MAGI1: variants seen among roughly 807,000 people sequenced by gnomAD.
MAGI1 encodes membrane associated guanylate kinase, WW and PDZ domain containing 1, also known as membrane-associated guanylate kinase, WW and PDZ domain-containing protein 1.
A neutral mutation model predicts 139.9 loss-of-function variants in MAGI1; 58 were observed. That is an observed-to-expected ratio of 0.41 (90% confidence interval 0.34 to 0.52). MAGI1 has a LOEUF of 0.52. Ranked by LOEUF, MAGI1 falls within the 20% of genes least tolerant of loss-of-function variation. The probability of loss-of-function intolerance (pLI) is 0.12; values close to 1 mark genes in which losing one functional copy is unlikely to be tolerated. For synonymous variants in MAGI1, 812 were observed against 737.9 expected (o/e 1.10, Z -1.63); for missense variants, 1,874 against 1,901.6 (o/e 0.99, Z 0.27).
At chr3:65,958,153 C>G (rs2064229916) in intron 1 of MAGI1, among the ~76,000 whole-genome samples, 1 of 152,200 alleles carries the variant, frequency 6.6e-6, no homozygotes, top group Admixed American at 6.5e-5. Context: ...TGACCTCCCT[C>G]TCCTTCCCTC....
In MAGI1 at chr3:65,453,273, C is replaced by T. The variant is rs752573026; in HGVS notation, c.1027G>A (p.Glu343Lys). 2.5e-6 allele frequency: 4 copies of T among 1,613,610 alleles called. No homozygotes were observed. Among genetic ancestry groups the T allele is most frequent in the Non-Finnish European group, 2.5e-6 (3 of 1,179,926 alleles). The change falls in exon 6 of 23, where the codon GAG becomes AAG. Residue 343 changes from glutamate (E) to lysine (K), a missense_variant. This residue lies in a region of MAGI1 where 648 missense variants were observed against 598.1 expected (regional missense o/e 1.08). Coordinates refer to ENST00000402939, the MANE Select transcript of MAGI1 (RefSeq NM_001033057.2). Reference sequence around the variant, plus strand: ...GGCCCCTTACCATCATCTTCACACTCTTCCAGTGGCTTCTGCTGCTTGTTT... The same window carrying T: ...GGCCCCTTACCATCATCTTCACACTTTTCCAGTGGCTTCTGCTGCTTGTTT... ...CLNKQQKPLE[E>K]CEDDEGVHTE...
intron 2 of MAGI1, among the ~76,000 whole-genome samples, chr3:65,544,051 G>A (rs987665087): frequency 6.6e-6 from 1 of 152,100 alleles, no homozygotes; most frequent in African/African-American, 2.4e-5. Flanking sequence ...AGGGAGAGGT[G>A]TAGTAGACAT....
intron 1 of MAGI1, among the ~76,000 whole-genome samples, chr3:65,929,981 G>A (rs1027194669): frequency 3.3e-5 from 5 of 152,108 alleles, no homozygotes; most frequent in Non-Finnish European, 7.4e-5. Flanking sequence ...TACTTCCCCT[G>A]TGTATCTCAC....
chr3:65,763,800 G>A (rs2037238511), intron 1 of MAGI1, among the ~76,000 whole-genome samples: 1 of 151,960 alleles, frequency 6.6e-6, no homozygotes, highest in South Asian at 2.1e-4. Flanking sequence ...GCCAGGCACA[G>A]TGGCTCATAT....
chr3:65,500,089 G>C (rs1316135166), intron 2 of MAGI1, among the ~76,000 whole-genome samples: 3 of 152,184 alleles, frequency 2.0e-5, no homozygotes, highest in Non-Finnish European at 4.4e-5. Flanking sequence ...AATGTTTCAA[G>C]GTTTCCCATC....
At chr3:65,624,633 G>A (rs989913993) in intron 1 of MAGI1, among the ~76,000 whole-genome samples, 21 of 152,160 alleles carry the variant, frequency 1.4e-4, no homozygotes, top group African/African-American at 4.6e-4. Flanking sequence ...ACAGAGAGCG[G>A]AAGGTAGGCA....
chr3:65,683,552 C>A (rs2087745811), intron 1 of MAGI1, among the ~76,000 whole-genome samples: 1 of 151,252 alleles, frequency 6.6e-6, no homozygotes, highest in Non-Finnish European at 1.5e-5. Context: ...TGACAAAGAA[C>A]AAGTATCTAG....
intron 2 of MAGI1, chr3:65,597,685 G>A (rs1424656437): frequency 2.2e-6 from 1 of 456,518 alleles, no homozygotes; most frequent in Non-Finnish European, 4.4e-6. Context: ...TCAAACCTCC[G>A]GTGGCAGGGA....
chr3:65,842,905 G>A (rs1464008794), intron 1 of MAGI1, among the ~76,000 whole-genome samples: 1 of 152,002 alleles, frequency 6.6e-6, no homozygotes, highest in Non-Finnish European at 1.5e-5. Context: ...GGGAGACAGT[G>A]GCTTTTCTCT....
intron 1 of MAGI1, among the ~76,000 whole-genome samples, chr3:65,922,287 T>C (rs766953020): frequency 1.5e-4 from 23 of 152,332 alleles, no homozygotes; most frequent in Non-Finnish European, 3.1e-4. Context: ...TCAAAGTTCA[T>C]GTCCACCTGG....
chr3:65,940,056 C>T (rs1362543472), intron 1 of MAGI1, among the ~76,000 whole-genome samples: 1 of 152,144 alleles, frequency 6.6e-6, no homozygotes, highest in Non-Finnish European at 1.5e-5. Context: ...TCCTTAGAAA[C>T]AGAATTTCTA....
At chr3:65,774,290 A>G (rs914264566) in intron 1 of MAGI1, among the ~76,000 whole-genome samples, 2 of 152,152 alleles carry the variant, frequency 1.3e-5, no homozygotes, top group African/African-American at 4.8e-5. Context: ...TTACTGTCAA[A>G]GGCGTGGAAG....
At chr3:65,731,488 T>TA (rs555310553) in intron 1 of MAGI1, among the ~76,000 whole-genome samples, 15,516 of 135,896 alleles carry the variant, frequency 0.11, 1,001 homozygotes, top group African/African-American at 0.18. Context: ...CCCTATCTCT[T>TA]AAAAAAAAAA....
At chr3:65,528,250 T>C (rs1051612814) in intron 2 of MAGI1, among the ~76,000 whole-genome samples, 7 of 152,214 alleles carry the variant, frequency 4.6e-5, no homozygotes, top group African/African-American at 7.2e-5. Flanking sequence ...TGTCACAAAT[T>C]GATATAACAT....
intron 1 of MAGI1, among the ~76,000 whole-genome samples, chr3:65,896,848 G>C (rs578180371): frequency 1.3e-5 from 2 of 152,202 alleles, no homozygotes; most frequent in South Asian, 4.1e-4. Flanking sequence ...GAATATTCAA[G>C]TAACAAAATG....
intron 1 of MAGI1, among the ~76,000 whole-genome samples, chr3:65,746,138 C>T (rs576142747): frequency 2.6e-5 from 4 of 152,236 alleles, no homozygotes; most frequent in African/African-American, 7.2e-5. Flanking sequence ...CAGGTTCAAG[C>T]GATTCTCCTT....
chr3:65,590,143 G>A (rs2081903317), intron 2 of MAGI1, among the ~76,000 whole-genome samples: 1 of 152,060 alleles, frequency 6.6e-6, no homozygotes, highest in African/African-American at 2.4e-5. Context: ...AATCTTCCCT[G>A]ACCTGAATTC....
chr3:65,430,616 C>G (rs1209888189), intron 11 of MAGI1, 83 bp downstream of exon 11: 66 of 1,472,760 alleles, frequency 4.5e-5, no homozygotes, highest in Non-Finnish European at 6.0e-5. Context: ...CTTGCTCAAA[C>G]AAACAACATC....
chr3:65,466,003 C>T (rs1950146024), intron 5 of MAGI1, among the ~76,000 whole-genome samples: 1 of 152,316 alleles, frequency 6.6e-6, no homozygotes, highest in Admixed American at 6.5e-5. Context: ...TCCCCACTCT[C>T]TTCTGCTGTT....
Sources: gnomAD v4.1 joint callset for allele counts (sites outside exome capture counted in the v4.1 genomes callset) on GRCh38, gnomAD v4.1.1 for gene constraint, gnomAD v4.1.1 regional missense constraint, MANE v1.5 for transcripts, NCBI Gene and HGNC (gene_info 2026-07-23, HGNC 2026-07-21) for gene names.